PRKCA: variants seen among roughly 807,000 people sequenced by gnomAD.
PRKCA encodes protein kinase C alpha, also known as protein kinase C alpha type.
PRKCA carries 27 observed loss-of-function variants against 87.0 expected under a neutral mutation model. That is an observed-to-expected ratio of 0.31 (90% CI 0.23 to 0.43). The LOEUF (loss-of-function observed/expected upper bound fraction) is 0.43, where lower values mean the gene tolerates loss of function less well. PRKCA is among the 20% of genes least tolerant of loss of function. The pLI is 1.00. For missense variants in PRKCA, 518 were observed against 852.3 expected, an observed-to-expected ratio of 0.61 and a Z score of 4.88; for synonymous variants, 329 against 311.1, an observed-to-expected ratio of 1.06 and a Z score of -0.61.
At chr17:66,519,081 G>A (rs1330592628) in intron 3 of PRKCA, among the ~76,000 whole-genome samples, 2 of 152,120 alleles carry the variant, frequency 1.3e-5, no homozygotes, top group African/African-American at 4.8e-5. Context: ...CTGGAAAAGT[G>A]GAGGCAATGG....
At chr17:66,789,571 A>G (rs9904689) in intron 16 of PRKCA, among the ~76,000 whole-genome samples, 22,426 of 152,150 alleles carry the variant, frequency 0.15, 2,525 homozygotes, top group African/African-American at 0.31. Context: ...TAAACACTGT[A>G]TGCCAGGCCC....
chr17:66,477,816 G>A (rs534973706), intron 2 of PRKCA, among the ~76,000 whole-genome samples: 1 of 152,334 alleles, frequency 6.6e-6, no homozygotes, highest in South Asian at 2.1e-4. Flanking sequence ...CATCGGCACA[G>A]TCCTTTTTAG....
intron 2 of PRKCA, among the ~76,000 whole-genome samples, chr17:66,311,405 C>G (rs1286459854): frequency 6.6e-6 from 1 of 152,098 alleles, no homozygotes; most frequent in Admixed American, 6.5e-5. Flanking sequence ...TGCTTGAGCC[C>G]AGAACTTTAA....
chr17:66,524,436 A>G (rs1279212894), intron 3 of PRKCA, among the ~76,000 whole-genome samples: 3 of 152,232 alleles, frequency 2.0e-5, no homozygotes, highest in Non-Finnish European at 4.4e-5. Flanking sequence ...GTCTTAGCAC[A>G]TCATTTCTCT....
rs182698865 is a variant in PRKCA, at chr17:66,447,462, G to A, written c.206-48739G>A. 3.3e-4 allele frequency among the ~76,000 whole-genome samples: 50 copies of A among 152,292 alleles called. No individual in the cohort carries two copies. The East Asian group carries it at 9.1e-3, about 28-fold the overall frequency. On this transcript the variant is annotated intron_variant, in intron 2 of 16. Coordinates refer to ENST00000413366, the MANE Select transcript of PRKCA (RefSeq NM_002737.3). ...ACGGGGCCTTAGTGCTTTCTGAGTA[G>A]CCACCTTGGACCATCGGTTCAGTAA...
intron 16 of PRKCA, among the ~76,000 whole-genome samples, chr17:66,791,436 G>A (rs141180926): frequency 9.2e-5 from 14 of 152,258 alleles, no homozygotes; most frequent in African/African-American, 3.4e-4. Flanking sequence ...ACCCACAGAG[G>A]GAACAACGAC....
intron 2 of PRKCA, among the ~76,000 whole-genome samples, chr17:66,439,893 C>G (rs977847711): frequency 6.6e-6 from 1 of 152,186 alleles, no homozygotes; most frequent in South Asian, 2.1e-4. Flanking sequence ...TAAAACAAGA[C>G]TCTTTTTGGT....
intron 16 of PRKCA, among the ~76,000 whole-genome samples, chr17:66,794,502 G>T (rs1231452392): frequency 1.3e-5 from 2 of 149,906 alleles, no homozygotes; most frequent in African/African-American, 4.9e-5. Context: ...TTTCAGACTT[G>T]TGGAAGGGCC....
chr17:66,653,787 C>A (rs1159934898), intron 5 of PRKCA, among the ~76,000 whole-genome samples: 1 of 95,880 alleles, frequency 1.0e-5, no homozygotes, highest in African/African-American at 4.8e-5. Context: ...AAGTTTCCAG[C>A]TCTTAAAAAA....
intron 8 of PRKCA, among the ~76,000 whole-genome samples, chr17:66,706,668 T>C (rs1361937195): frequency 6.6e-6 from 1 of 152,030 alleles, no homozygotes; most frequent in African/African-American, 2.4e-5. Context: ...TTTCAGGATT[T>C]TTAAGTGGTT....
chr17:66,322,641 T>G (rs1365250211), intron 2 of PRKCA, among the ~76,000 whole-genome samples: 1 of 147,406 alleles, frequency 6.8e-6, no homozygotes, highest in Non-Finnish European at 1.5e-5. Flanking sequence ...TTTTAATTGT[T>G]TTTTTTTTTT....
At chr17:66,379,443 G>T (rs1909662862) in intron 2 of PRKCA, among the ~76,000 whole-genome samples, 1 of 152,010 alleles carries the variant, frequency 6.6e-6, no homozygotes, top group Non-Finnish European at 1.5e-5. Context: ...TGTTTAATTG[G>T]GTTGTCTTTT....
At chr17:66,578,945 G>A (rs2143449439) in intron 3 of PRKCA, among the ~76,000 whole-genome samples, 1 of 152,364 alleles carries the variant, frequency 6.6e-6, no homozygotes, top group Non-Finnish European at 1.5e-5. Flanking sequence ...GACTCTGAGA[G>A]TGCTCTCTGG....
chr17:66,493,486 C>T (rs1916335026), intron 2 of PRKCA, among the ~76,000 whole-genome samples: 1 of 151,964 alleles, frequency 6.6e-6, no homozygotes, highest in African/African-American at 2.4e-5. Context: ...AATCCTGATT[C>T]CATCACATGG....
intron 8 of PRKCA, among the ~76,000 whole-genome samples, chr17:66,732,117 G>GA (rs145066046): frequency 0.34 from 42,396 of 124,860 alleles, 6,466 homozygotes; most frequent in African/African-American, 0.39. Flanking sequence ...TGATTTAAAA[G>GA]AAAAAAAAAA....
chr17:66,542,821 A>G (rs1210889491), intron 3 of PRKCA, among the ~76,000 whole-genome samples: 3 of 152,322 alleles, frequency 2.0e-5, no homozygotes, highest in Middle Eastern at 3.4e-3. Context: ...TTCAAATTAT[A>G]TTTGACAAGT....
intron 5 of PRKCA, among the ~76,000 whole-genome samples, chr17:66,649,151 G>A (rs1253798458): frequency 6.6e-6 from 1 of 151,730 alleles, no homozygotes; most frequent in Non-Finnish European, 1.5e-5. Context: ...TAGTTACTAG[G>A]AATTTTTTTA....
rs146058531 is a variant in PRKCA at position 66,541,982 on chromosome 17, G to A, written c.288+45699G>A. The stretch of plus-strand genomic sequence containing the variant: ...TGTAAGGCTGATAACAAGCCACCAC[G>A]TGGAATCTCACAGTGGGACTTTAGT... On this transcript the variant is annotated intron_variant, in intron 3 of 16. Transcript: ENST00000413366. Among the ~76,000 whole-genome samples the A allele has an allele frequency of 3.9e-4, 60 of 152,310 alleles. 1 individual carries two copies. The highest frequency in any genetic ancestry group is 1.3e-3 in the African/African-American group (55 of 41,560).
At chr17:66,762,947 C>T (rs762679507) in intron 13 of PRKCA, among the ~76,000 whole-genome samples, 4 of 152,184 alleles carry the variant, frequency 2.6e-5, no homozygotes, top group Admixed American at 1.3e-4. Flanking sequence ...TGTGCCACCA[C>T]GTCCAGCTGA....
Sources: allele counts gnomAD v4.1 joint callset (sites outside exome capture counted in the v4.1 genomes callset), GRCh38; gene constraint gnomAD v4.1.1; transcripts MANE v1.5; gene names NCBI Gene and HGNC (gene_info 2026-07-23, HGNC 2026-07-21).